Variants in ELL2 observed in about 807,000 individuals in gnomAD.
ELL2 encodes the protein RNA polymerase II elongation factor ELL2.
Under a neutral mutation model 72.8 loss-of-function variants are expected in ELL2, and 21 were observed. That is an observed-to-expected ratio of 0.29 (90% CI 0.20 to 0.42). The LOEUF is 0.42. Among genes scored for constraint, ELL2 ranks in the 10% least tolerant of loss-of-function variants. ELL2 has a pLI of 1.00. For missense variants in ELL2, 568 were observed against 772.8 expected, an observed-to-expected ratio of 0.73 and a Z score of 3.14; for synonymous variants, 266 against 283.2, an observed-to-expected ratio of 0.94 and a Z score of 0.61.
At chr5:95,921,210 G>T (rs749167533) in intron 2 of ELL2, among the ~76,000 whole-genome samples, 3 of 152,116 alleles carry the variant, frequency 2.0e-5, no homozygotes, top group Non-Finnish European at 4.4e-5. Context: ...ATTTGTTGAA[G>T]GAATAAATGA....
In ELL2 at chr5:95,895,731, A is replaced by G. The variant is rs372156278; in HGVS notation, c.1526-40T>C. 293 of 1,499,828 alleles carry G rather than the reference A, an allele frequency of 2.0e-4. No homozygotes were observed. In the Middle Eastern group the frequency reaches 6.9e-3, roughly 35 times the overall value. The allele number at this position is 1,499,828 out of a possible 1,614,324, so 92.9% of individuals were successfully genotyped here. A position where few individuals can be genotyped will look rare whatever the true frequency, so the allele number is the denominator to read the frequency against. ...AACAAAATCAGAGCATTCATCAACT[A>G]CGAAGGTTATCAAATGCCTGTAATT... On this transcript the variant is annotated intron_variant, in intron 8 of 11. Coordinates refer to ENST00000237853, the MANE Select transcript of ELL2 (RefSeq NM_012081.6).
intron 10 of ELL2, 57 bp from the exon 11 acceptor site, chr5:95,889,187 A>G (rs1748569154): frequency 6.0e-6 from 8 of 1,338,690 alleles, no homozygotes; most frequent in Non-Finnish European, 8.4e-6. Flanking sequence ...GTGTGGCAAT[A>G]CAAATAGATA....
intron 2 of ELL2, chr5:95,932,614 C>A (rs1750637785): frequency 6.6e-6 from 1 of 151,894 alleles, no homozygotes; most frequent in Non-Finnish European, 1.5e-5. Flanking sequence ...ACATTTTATC[C>A]CCTGGCCAAT....
chr5:95,917,163 T>C (rs1232952061), intron 3 of ELL2, among the ~76,000 whole-genome samples: 1 of 152,240 alleles, frequency 6.6e-6, no homozygotes, highest in Non-Finnish European at 1.5e-5. Flanking sequence ...TTATACACTA[T>C]AGGTCCTAGA....
chr5:95,932,067 T>C (rs1299549285), intron 2 of ELL2, among the ~76,000 whole-genome samples: 1 of 151,632 alleles, frequency 6.6e-6, no homozygotes, highest in East Asian at 1.9e-4. Flanking sequence ...TTTCCGAACA[T>C]CTACTCTGAA....
rs70978197 is a variant in ELL2 at position 95,920,277 on chromosome 5, A to ATATTTATTTATT, written c.196-744_196-733dup. Among the ~76,000 whole-genome samples the ATATTTATTTATT allele has an allele frequency of 1.4e-3, 184 of 135,258 alleles. 2 individuals are homozygous for ATATTTATTTATT. The highest frequency in any genetic ancestry group is 1.6e-3 in the Non-Finnish European group (98 of 63,210). The allele number at this position is 135,258 out of a possible 152,430, so 88.7% of individuals were successfully genotyped here. ...TGTTATTTTTATTTTTAAATTTTTA[A>ATATTTATTTATT]TATTTATTTATTTATTTATTTATTT... is the stretch of plus-strand genomic sequence containing the variant. On this transcript the variant is annotated intron_variant, in intron 2 of 11. Transcript: ENST00000237853.
rs771192362 is a variant in ELL2 at position 95,927,408 on chromosome 5, C to CACACGT, written c.196-7864_196-7863insACGTGT. Among the ~76,000 whole-genome samples, 88 of 25,496 alleles carry CACACGT rather than the reference C, an allele frequency of 3.5e-3. 22 individuals are homozygous for CACACGT. Among genetic ancestry groups the CACACGT allele is most frequent in the South Asian group, 2.0e-3 (1 of 506 alleles). The allele number at this position is 25,496 out of a possible 152,430, so 16.7% of individuals were successfully genotyped here. ...GTGTGTATATATAGACATACACACA[C>CACACGT]GTGTGTATATAGACATACACACACA... On this transcript the variant is annotated intron_variant, in intron 2 of 11. Coordinates refer to ENST00000237853, the MANE Select transcript of ELL2 (RefSeq NM_012081.6).
chr5:95,953,135 G>A (rs1390566802), intron 1 of ELL2, among the ~76,000 whole-genome samples: 2 of 152,196 alleles, frequency 1.3e-5, no homozygotes, highest in Admixed American at 6.5e-5. Context: ...TTTGAACACA[G>A]ACTTTATAGT....
intron 1 of ELL2, among the ~76,000 whole-genome samples, chr5:95,950,906 A>G (rs1238177521): frequency 0.16 from 1,735 of 11,158 alleles, 66 homozygotes; most frequent in African/African-American, 0.34. Flanking sequence ...ATGTATGTGT[A>G]TATATATATA....
chr5:95,914,035 T>C, intron 3 of ELL2, 101 bp from the exon 4 acceptor site: 1 of 1,070,786 alleles, frequency 9.3e-7, no homozygotes. Flanking sequence ...CCAACTAAGT[T>C]TGCAATCCTA....
chr5:95,896,109 T>A (rs1297738729), intron 8 of ELL2, among the ~76,000 whole-genome samples: 1 of 152,160 alleles, frequency 6.6e-6, no homozygotes, highest in African/African-American at 2.4e-5. Context: ...GACAATAGAG[T>A]CAGGTAGCCG....
chr5:95,957,921 C>G (rs752178308), intron 1 of ELL2, among the ~76,000 whole-genome samples: 6 of 152,180 alleles, frequency 3.9e-5, no homozygotes, highest in Non-Finnish European at 5.9e-5. Context: ...TTCTCTGAAG[C>G]CTTACGTCAA....
At chr5:95,944,212 A>G (rs1360814472) in intron 1 of ELL2, among the ~76,000 whole-genome samples, 2 of 152,254 alleles carry the variant, frequency 1.3e-5, no homozygotes, top group Admixed American at 6.5e-5. Context: ...AGAAATAAAG[A>G]TAAGAACTTC....
chr5:95,932,931 T>C (rs139779494), intron 2 of ELL2, among the ~76,000 whole-genome samples: 143 of 152,124 alleles, frequency 9.4e-4, no homozygotes, highest in Middle Eastern at 3.4e-3. Flanking sequence ...GCATGAATAG[T>C]ATAAAGGAAT....
At chr5:95,911,258 G>GT (rs1291367351) in intron 4 of ELL2, among the ~76,000 whole-genome samples, 1 of 149,358 alleles carries the variant, frequency 6.7e-6, no homozygotes, top group Non-Finnish European at 1.5e-5. Flanking sequence ...ACAAAATACA[G>GT]TAAAAAAAAA....
chr5:95,936,867 T>C (rs1750795420), intron 2 of ELL2, among the ~76,000 whole-genome samples: 1 of 152,170 alleles, frequency 6.6e-6, no homozygotes, highest in African/African-American at 2.4e-5. Context: ...CAAGTTCAGT[T>C]TTTGGTGGGA....
chr5:95,891,338 T>C, intron 9 of ELL2, 64 bp from the exon 10 acceptor site: 1 of 1,491,826 alleles, frequency 6.7e-7, no homozygotes, highest in Non-Finnish European at 9.0e-7. Flanking sequence ...AAGTCTGAGA[T>C]TTAAACCAAA....
chr5:95,889,218 T>C (rs762733133), intron 10 of ELL2, 88 bp from the exon 11 acceptor site: 4 of 1,022,558 alleles, frequency 3.9e-6, no homozygotes, highest in Admixed American at 4.7e-5. Context: ...AGCAAGAGTA[T>C]AGGAAATATT....
In ELL2 at chr5:95,939,328, T is replaced by C. The variant is rs144186965; in HGVS notation, c.195+3674A>G. The stretch of plus-strand genomic sequence containing the variant: ...TTAGTCTGTATGTGTTTGTTAAGAC[T>C]GTGCGTTCTCTGAGGGTGGAGCCCA... On this transcript the variant is annotated intron_variant, in intron 2 of 11. Coordinates refer to ENST00000237853, the MANE Select transcript of ELL2 (RefSeq NM_012081.6). Among the ~76,000 whole-genome samples the C allele has an allele frequency of 2.9e-3, 445 of 151,314 alleles. 5 individuals are homozygous for C. The highest frequency in any genetic ancestry group is 7.7e-3 in the South Asian group (37 of 4,782).
Sources: allele counts gnomAD v4.1 joint callset (sites outside exome capture counted in the v4.1 genomes callset), GRCh38; gene constraint gnomAD v4.1.1; transcripts MANE v1.5; gene names NCBI Gene and HGNC (gene_info 2026-07-23, HGNC 2026-07-21).